Variants in SPAG16 observed in about 807,000 individuals in gnomAD.
SPAG16 encodes sperm associated antigen 16, also known as sperm-associated antigen 16 protein.
Under a neutral mutation model 80.4 loss-of-function variants are expected in SPAG16, and 86 were observed. The observed-to-expected ratio is 1.07, with a 90% CI of 0.90 to 1.28. The LOEUF (loss-of-function observed/expected upper bound fraction) is 1.28, where lower values mean the gene tolerates loss of function less well. Ranked by LOEUF, SPAG16 falls within the 50% of genes most tolerant of loss-of-function variation. The pLI, the probability that SPAG16 is intolerant of heterozygous loss-of-function variation, is 0.00. For missense variants in SPAG16, 870 were observed against 765.3 expected, an observed-to-expected ratio of 1.14 and a Z score of -1.61; for synonymous variants, 294 against 265.9, an observed-to-expected ratio of 1.11 and a Z score of -1.03.
At position 214,342,626 on chromosome 2, in the gene SPAG16, T is replaced by C. The variant is rs144983259; in HGVS notation, c.1721-67514T>C. Among the ~76,000 whole-genome samples, 262 of 152,236 alleles carry C rather than the reference T, an allele frequency of 1.7e-3. 2 individuals carry two copies. Among genetic ancestry groups the C allele is most frequent in the African/African-American group, 6.0e-3 (250 of 41,538 alleles). On this transcript the variant is annotated intron_variant, in intron 15 of 15. Coordinates refer to ENST00000331683, the MANE Select transcript of SPAG16 (RefSeq NM_024532.5). The stretch of plus-strand genomic sequence containing the variant: ...GGTCAGTTGTATAATTATTTCATTA[T>C]ATATTGCAATGTAATAGTAACAGAA...
intron 13 of SPAG16, among the ~76,000 whole-genome samples, chr2:214,030,944 C>T (rs2048375358): frequency 2.0e-5 from 3 of 152,218 alleles, no homozygotes; most frequent in Non-Finnish European, 2.9e-5. Flanking sequence ...TGTTGTCCCT[C>T]AGTAGGACAG....
intron 10 of SPAG16, among the ~76,000 whole-genome samples, chr2:213,719,925 T>C (rs1283949523): frequency 6.6e-6 from 1 of 152,172 alleles, no homozygotes; most frequent in Non-Finnish European, 1.5e-5. Context: ...TAGTAAAGAC[T>C]TGGAACCAAC....
At chr2:213,649,863 A>G (rs191009263) in intron 10 of SPAG16, among the ~76,000 whole-genome samples, 24 of 152,320 alleles carry the variant, frequency 1.6e-4, no homozygotes, top group African/African-American at 5.5e-4. Flanking sequence ...CATTTTATTA[A>G]GAAGCTCATT....
chr2:213,821,642 A>G (rs2125694689), intron 10 of SPAG16, among the ~76,000 whole-genome samples: 1 of 152,232 alleles, frequency 6.6e-6, no homozygotes, highest in African/African-American at 2.4e-5. Flanking sequence ...ATCAAATATG[A>G]AATCCTATTC....
intron 15 of SPAG16, among the ~76,000 whole-genome samples, chr2:214,170,382 A>G (rs747189042): frequency 6.6e-6 from 1 of 151,992 alleles, no homozygotes; most frequent in Non-Finnish European, 1.5e-5. Flanking sequence ...TAAATACAAG[A>G]TCATCATCTA....
At chr2:214,117,252 G>T (rs2053977082) in intron 14 of SPAG16, among the ~76,000 whole-genome samples, 1 of 148,552 alleles carries the variant, frequency 6.7e-6, no homozygotes, top group Non-Finnish European at 1.5e-5. Flanking sequence ...CAGCAGAATT[G>T]ATCAAACAGA....
At chr2:213,898,406 T>C (rs1964067) in intron 11 of SPAG16, among the ~76,000 whole-genome samples, 88,941 of 152,014 alleles carry the variant, frequency 0.59, 27,833 homozygotes, top group South Asian at 0.84. Context: ...TGGTGAATAG[T>C]ACAGTCCTGG....
intron 15 of SPAG16, among the ~76,000 whole-genome samples, chr2:214,374,473 C>T (rs1446637313): frequency 1.3e-5 from 2 of 152,206 alleles, no homozygotes; most frequent in Non-Finnish European, 2.9e-5. Context: ...TGCCTGTTCA[C>T]ATTCATCCTT....
intron 15 of SPAG16, among the ~76,000 whole-genome samples, chr2:214,401,434 A>G (rs1335729393): frequency 3.9e-5 from 6 of 151,902 alleles, no homozygotes; most frequent in Non-Finnish European, 8.8e-5. Flanking sequence ...TATGGCACAC[A>G]ATGATTTTTG....
chr2:213,662,578 A>G (rs1559354487), intron 10 of SPAG16, among the ~76,000 whole-genome samples: 1 of 152,168 alleles, frequency 6.6e-6, no homozygotes, highest in Non-Finnish European at 1.5e-5. Flanking sequence ...AATATGACAT[A>G]TTTAGCCATA....
chr2:213,354,165 T>C (rs1355884168), intron 7 of SPAG16, among the ~76,000 whole-genome samples: 1 of 152,184 alleles, frequency 6.6e-6, no homozygotes, highest in Non-Finnish European at 1.5e-5. Flanking sequence ...GATAGTTTGC[T>C]GAGAATGATG....
At position 213,571,996 on chromosome 2, in the gene SPAG16, C is replaced by T. The variant is rs1234407290; in HGVS notation, c.1070+81906C>T. ...GCTTCATTTCATTCATTTCATCTTC[C>T]ATTGCTGATACCCTTTCTTCCAGTT... On this transcript the variant is annotated intron_variant, in intron 10 of 15. Coordinates refer to ENST00000331683, the MANE Select transcript of SPAG16 (RefSeq NM_024532.5). Among the ~76,000 whole-genome samples the T allele has an allele frequency of 1.9e-4, 24 of 127,014 alleles. No individual in the cohort carries two copies. The East Asian group carries it at 4.4e-3, about 23-fold the overall frequency. The allele number at this position is 127,014 out of a possible 152,430, so 83.3% of individuals were successfully genotyped here.
At chr2:214,367,857 T>C (rs971138369) in intron 15 of SPAG16, among the ~76,000 whole-genome samples, 3 of 152,174 alleles carry the variant, frequency 2.0e-5, no homozygotes, top group Non-Finnish European at 2.9e-5. Flanking sequence ...CTAAATGTTT[T>C]AATTCTATCA....
intron 7 of SPAG16, among the ~76,000 whole-genome samples, chr2:213,352,516 G>A (rs1344766255): frequency 6.6e-6 from 1 of 152,100 alleles, no homozygotes; most frequent in East Asian, 1.9e-4. Context: ...CATATACCAT[G>A]TACAATATTT....
chr2:213,436,195 C>G (rs997131703), intron 9 of SPAG16, among the ~76,000 whole-genome samples: 2 of 152,082 alleles, frequency 1.3e-5, no homozygotes, highest in African/African-American at 2.4e-5. Flanking sequence ...GCTTCTTCAT[C>G]CGTGGTGTGT....
chr2:213,647,353 G>A (rs2062856260), intron 10 of SPAG16, among the ~76,000 whole-genome samples: 1 of 152,162 alleles, frequency 6.6e-6, no homozygotes, highest in African/African-American at 2.4e-5. Context: ...CTTCACAACA[G>A]TAATCTACTG....
chr2:213,285,943 T>C (rs1412406455), intron 1 of SPAG16: 1 of 1,284,604 alleles, frequency 7.8e-7, no homozygotes, highest in Admixed American at 2.3e-5. Flanking sequence ...TGTAATTTTG[T>C]TTGCATTAAA....
chr2:213,778,929 T>C (rs2069772271), intron 10 of SPAG16, among the ~76,000 whole-genome samples: 1 of 152,212 alleles, frequency 6.6e-6, no homozygotes, highest in African/African-American at 2.4e-5. Context: ...TCAAAGTATT[T>C]CTGCTCCCCA....
At chr2:213,615,910 G>A (rs2125035624) in intron 10 of SPAG16, among the ~76,000 whole-genome samples, 1 of 152,154 alleles carries the variant, frequency 6.6e-6, no homozygotes, top group Admixed American at 6.5e-5. Flanking sequence ...GGGGCAAGGG[G>A]AGGGATAGCA....
Sources: allele counts gnomAD v4.1 joint callset (sites outside exome capture counted in the v4.1 genomes callset), GRCh38; gene constraint gnomAD v4.1.1; transcripts MANE v1.5; gene names NCBI Gene and HGNC (gene_info 2026-07-23, HGNC 2026-07-21).